CNTN6: variants seen among roughly 807,000 people sequenced by gnomAD.
The protein encoded by CNTN6 is contactin 6, also known as contactin-6.
In CNTN6, 137 loss-of-function variants were observed where a neutral mutation model predicts 122.8. The ratio of observed to expected loss-of-function variants is 1.12; its 90% CI spans 0.97 to 1.29. CNTN6 has a LOEUF of 1.29. Ranked by LOEUF, CNTN6 falls within the 50% of genes most tolerant of loss-of-function variation. The pLI, the probability that CNTN6 is intolerant of heterozygous loss-of-function variation, is 0.00. For synonymous variants in CNTN6, 570 were observed against 426.0 expected, an observed-to-expected ratio of 1.34 and a Z score of -4.16; for missense variants, 1,634 against 1,223.4, an observed-to-expected ratio of 1.34 and a Z score of -5.01.
chr3:1,385,382 C>T (rs990990987), intron 19 of CNTN6, among the ~76,000 whole-genome samples: 54 of 152,262 alleles, frequency 3.5e-4, no homozygotes, highest in African/African-American at 1.1e-3. Flanking sequence ...TAAAAAATCA[C>T]GTTCTCTAAT....
chr3:1,309,646 T>A (rs1468639623), intron 7 of CNTN6, among the ~76,000 whole-genome samples: 1 of 152,184 alleles, frequency 6.6e-6, no homozygotes, highest in Non-Finnish European at 1.5e-5. Context: ...AAACTTAGAA[T>A]CATTTTGTCT....
intron 1 of CNTN6, among the ~76,000 whole-genome samples, chr3:1,098,789 C>CACACATATATATATAT (rs1211008614): frequency 1.9e-4 from 12 of 63,256 alleles, no homozygotes; most frequent in Non-Finnish European, 2.2e-4. Flanking sequence ...CACACACACA[C>CACACATATATATATAT]ATATATATAT....
chr3:1,163,048 A>T (rs1459936876), intron 2 of CNTN6, among the ~76,000 whole-genome samples: 1 of 152,178 alleles, frequency 6.6e-6, no homozygotes, highest in African/African-American at 2.4e-5. Context: ...GTACCAGGAG[A>T]TCACACCATC....
Position 1,373,990 on chromosome 3 carries a change from A to G in CNTN6, c.2012A>G (p.Tyr671Cys). The change falls in exon 16 of 23, where the codon TAT (tyrosine) becomes TGT (cysteine). Residue 671 changes from tyrosine (Y) to cysteine (C), a missense_variant. Transcript: ENST00000446702. ...TVVGLSPWVE[Y>C]EFRVVAGNSI... The stretch of plus-strand genomic sequence containing the variant: ...GTTGGTTTGAGTCCTTGGGTGGAAT[A>G]TGAATTTCGTGTTGTTGCCGGCAAC... 1 of 1,613,296 alleles carries G rather than the reference A, an allele frequency of 6.2e-7. No homozygotes were observed. The highest frequency in any genetic ancestry group is 1.7e-4 in the Middle Eastern group (1 of 6,060).
chr3:1,307,477 C>A (rs113757478), intron 7 of CNTN6, among the ~76,000 whole-genome samples: 13 of 151,784 alleles, frequency 8.6e-5, no homozygotes, highest in Admixed American at 2.0e-4. Context: ...TATAACCCCC[C>A]CACACACAAT....
At chr3:1,216,000 G>C (rs1230091976) in intron 2 of CNTN6, among the ~76,000 whole-genome samples, 1 of 152,090 alleles carries the variant, frequency 6.6e-6, no homozygotes, top group Non-Finnish European at 1.5e-5. Flanking sequence ...ATTGTAGCCA[G>C]ATTATTATTG....
At position 1,372,314 on chromosome 3, in the gene CNTN6, CCG is replaced by C. The variant is rs774044791; in HGVS notation, c.1509_1510del (p.Val504ProfsTer22). On this transcript the variant is annotated frameshift_variant, in exon 13 of 23. Coordinates refer to ENST00000446702, the MANE Select transcript of CNTN6 (RefSeq NM_001289080.2). LOFTEE classifies it high-confidence loss of function. ...TTCTCAACAGAGAGAACTGTCATTACCGTCCCACCTTCCAAAATGGATGTTAC... is the reference window on the plus strand; with the variant it reads ...TTCTCAACAGAGAGAACTGTCATTACTCCCACCTTCCAAAATGGATGTTAC... 6.2e-6 allele frequency: 10 copies of C among 1,608,384 alleles called. No individual in the cohort carries two copies. The highest frequency in any genetic ancestry group is 8.5e-6 in the Non-Finnish European group (10 of 1,177,764).
intron 2 of CNTN6, among the ~76,000 whole-genome samples, chr3:1,165,139 T>C (rs1191356196): frequency 6.6e-6 from 1 of 152,188 alleles, no homozygotes; most frequent in Admixed American, 6.5e-5. Context: ...TGCTTGTCCA[T>C]GGTTATTTGT....
At chr3:1,160,630 T>C (rs922113041) in intron 2 of CNTN6, among the ~76,000 whole-genome samples, 1 of 150,572 alleles carries the variant, frequency 6.6e-6, no homozygotes, top group African/African-American at 2.4e-5. Context: ...GTTTCTGAGG[T>C]TGAGTATCAC....
chr3:1,268,226 G>C (rs535302762), intron 4 of CNTN6, among the ~76,000 whole-genome samples: 1 of 152,310 alleles, frequency 6.6e-6, no homozygotes, highest in African/African-American at 2.4e-5. Flanking sequence ...GCTGCCTCCA[G>C]CTGGGCTGTG....
intron 17 of CNTN6, among the ~76,000 whole-genome samples, chr3:1,378,813 C>A (rs1710245079): frequency 6.6e-6 from 1 of 152,142 alleles, no homozygotes; most frequent in Non-Finnish European, 1.5e-5. Flanking sequence ...TCCTGTATTA[C>A]AATCCCAATT....
chr3:1,133,645 C>A (rs556111675), intron 1 of CNTN6, among the ~76,000 whole-genome samples: 2 of 148,134 alleles, frequency 1.4e-5, no homozygotes, highest in East Asian at 3.9e-4. Flanking sequence ...ACTTTATTTT[C>A]TTTTCCATTT....
chr3:1,173,738 A>G (rs933151336), intron 2 of CNTN6, among the ~76,000 whole-genome samples: 4 of 151,714 alleles, frequency 2.6e-5, no homozygotes, highest in South Asian at 2.1e-4. Flanking sequence ...AAACAAAACC[A>G]TCTCTGGAAC....
At chr3:1,336,071 CA>C (rs1559859059) in intron 11 of CNTN6, among the ~76,000 whole-genome samples, 3 of 151,356 alleles carry the variant, frequency 2.0e-5, no homozygotes, top group Non-Finnish European at 4.4e-5. Flanking sequence ...CAAACAACAA[CA>C]ACAAAAAAAT....
chr3:1,109,490 G>A (rs1223204085), intron 1 of CNTN6, among the ~76,000 whole-genome samples: 1 of 151,774 alleles, frequency 6.6e-6, no homozygotes, highest in African/African-American at 2.4e-5. Flanking sequence ...CAGTTTAATA[G>A]ACAAGTTTCT....
chr3:1,372,766 C>A, intron 13 of CNTN6, 72 bp from the exon 14 acceptor site: 1 of 882,034 alleles, frequency 1.1e-6, no homozygotes, highest in Non-Finnish European at 1.8e-6. Context: ...CGTATTTATC[C>A]AGCTGTAACA....
At chr3:1,108,054 G>A (rs1293949324) in intron 1 of CNTN6, among the ~76,000 whole-genome samples, 1 of 151,944 alleles carries the variant, frequency 6.6e-6, no homozygotes, top group Admixed American at 6.6e-5. Context: ...GACATAGATA[G>A]CTCCCAGCAT....
At chr3:1,198,724 CA>C (rs5846095) in intron 2 of CNTN6, among the ~76,000 whole-genome samples, 79,306 of 139,288 alleles carry the variant, frequency 0.57, 23,143 homozygotes, top group East Asian at 0.84. Flanking sequence ...CTGTCTCAAA[CA>C]AAAAAAAAAA....
intron 12 of CNTN6, among the ~76,000 whole-genome samples, chr3:1,359,274 T>C (rs1028926438): frequency 2.0e-5 from 3 of 152,150 alleles, no homozygotes; most frequent in Non-Finnish European, 2.9e-5. Flanking sequence ...CAGAGCATGT[T>C]CTGTTTAAAT....
Sources: gnomAD v4.1 joint callset for allele counts (sites outside exome capture counted in the v4.1 genomes callset) on GRCh38, gnomAD v4.1.1 for gene constraint, MANE v1.5 for transcripts, NCBI Gene and HGNC (gene_info 2026-07-23, HGNC 2026-07-21) for gene names.